The following CPNE4 variants were observed in gnomAD, a reference collection of about 807,000 sequenced individuals.
The protein encoded by CPNE4 is copine-4.
A neutral mutation model predicts 67.9 loss-of-function variants in CPNE4; 25 were observed. The observed-to-expected ratio is 0.37, with a 90% CI of 0.27 to 0.51. The LOEUF (loss-of-function observed/expected upper bound fraction) is 0.51, where lower values mean the gene tolerates loss of function less well. Ranked by LOEUF, CPNE4 falls within the 20% of genes least tolerant of loss-of-function variation. The probability of loss-of-function intolerance (pLI) is 0.93; values close to 1 mark genes in which losing one functional copy is unlikely to be tolerated. For synonymous variants in CPNE4, 242 were observed against 244.9 expected (o/e 0.99, Z 0.11); for missense variants, 464 against 690.8 (o/e 0.67, Z 3.68).
intron 2 of CPNE4, among the ~76,000 whole-genome samples, chr3:131,893,052 C>CA (rs1409992852): frequency 6.6e-6 from 1 of 151,808 alleles, no homozygotes; most frequent in East Asian, 1.9e-4. Context: ...GGTTAAAAGA[C>CA]AAAAAACAAG....
intron 7 of CPNE4, among the ~76,000 whole-genome samples, chr3:131,640,904 C>T (rs1056098711): frequency 1.3e-5 from 2 of 152,084 alleles, no homozygotes; most frequent in Non-Finnish European, 2.9e-5. Flanking sequence ...CAAACAAAAA[C>T]ATAAAGCAGG....
At chr3:131,901,561 C>T (rs6799141) in intron 2 of CPNE4, among the ~76,000 whole-genome samples, 10,965 of 151,968 alleles carry the variant, frequency 0.072, 406 homozygotes, top group East Asian at 0.1. Flanking sequence ...AAAATATTTC[C>T]GGCCAGGCAT....
chr3:131,879,715 G>C (rs145855963), intron 2 of CPNE4, among the ~76,000 whole-genome samples: 4,421 of 152,226 alleles, frequency 0.029, 211 homozygotes, highest in African/African-American at 0.1. Flanking sequence ...CAGAGCTCTA[G>C]CCAAGAAGAT....
chr3:132,013,047 A>T (rs2073807461), intron 1 of CPNE4, among the ~76,000 whole-genome samples: 1 of 152,076 alleles, frequency 6.6e-6, no homozygotes, highest in Non-Finnish European at 1.5e-5. Context: ...ACATGGTGAA[A>T]CCCCATCTCT....
At chr3:132,015,566 T>G (rs934333527) in intron 1 of CPNE4, among the ~76,000 whole-genome samples, 3 of 152,062 alleles carry the variant, frequency 2.0e-5, no homozygotes, top group Non-Finnish European at 4.4e-5. Context: ...GATGTCAGAA[T>G]GTAAACTTTT....
chr3:132,029,782 T>C (rs2074198462), intron 1 of CPNE4, among the ~76,000 whole-genome samples: 1 of 152,238 alleles, frequency 6.6e-6, no homozygotes, highest in African/African-American at 2.4e-5. Flanking sequence ...GAGCCAAAGA[T>C]GTAAAAGCAA....
chr3:131,699,836 G>T, intron 4 of CPNE4, 73 bp downstream of exon 4: 2 of 1,185,430 alleles, frequency 1.7e-6, no homozygotes, highest in Non-Finnish European at 2.4e-6. Flanking sequence ...CTTCCCAAGT[G>T]TCTGGTTTGG....
intron 7 of CPNE4, among the ~76,000 whole-genome samples, chr3:131,590,491 G>A (rs540949069): frequency 1.4e-3 from 210 of 152,268 alleles, no homozygotes; most frequent in Non-Finnish European, 2.2e-3. Flanking sequence ...TGAGATTACT[G>A]CAGCATAACT....
At chr3:131,886,229 A>G (rs1453289424) in intron 2 of CPNE4, among the ~76,000 whole-genome samples, 1 of 152,212 alleles carries the variant, frequency 6.6e-6, no homozygotes, top group Non-Finnish European at 1.5e-5. Context: ...AAAGGGGCCA[A>G]TGTGGAGCTT....
chr3:131,625,845 TGTTTTGA>T (rs1383932818), intron 7 of CPNE4, among the ~76,000 whole-genome samples: 1 of 152,246 alleles, frequency 6.6e-6, no homozygotes, highest in Non-Finnish European at 1.5e-5. Context: ...GCAGCAACCC[TGTTTTGA>T]GTAAGTCTAT....
chr3:131,912,280 A>T (rs1178640092), intron 1 of CPNE4, among the ~76,000 whole-genome samples: 1 of 152,176 alleles, frequency 6.6e-6, no homozygotes, highest in Non-Finnish European at 1.5e-5. Flanking sequence ...TTAGTTTCTG[A>T]ATGAGTTGCA....
intron 2 of CPNE4, among the ~76,000 whole-genome samples, chr3:131,794,905 G>A (rs1159353598): frequency 6.6e-6 from 1 of 152,180 alleles, no homozygotes; most frequent in Non-Finnish European, 1.5e-5. Flanking sequence ...GCCTTCCTTA[G>A]GGCAAAGTCA....
At chr3:131,980,136 T>C (rs1244051390) in intron 1 of CPNE4, among the ~76,000 whole-genome samples, 1 of 152,170 alleles carries the variant, frequency 6.6e-6, no homozygotes, top group Non-Finnish European at 1.5e-5. Flanking sequence ...AATTCTTTCC[T>C]TCATCTTAAC....
At chr3:131,733,389 G>A (rs1233904599) in intron 2 of CPNE4, among the ~76,000 whole-genome samples, 2 of 152,160 alleles carry the variant, frequency 1.3e-5, no homozygotes, top group Admixed American at 6.5e-5. Context: ...GTTATATTTT[G>A]CTCTTTAAGT....
intron 1 of CPNE4, among the ~76,000 whole-genome samples, chr3:131,963,409 A>C (rs1271719327): frequency 6.6e-6 from 1 of 151,938 alleles, no homozygotes; most frequent in African/African-American, 2.4e-5. Context: ...CTCCCTTGGA[A>C]AGGGAGCTGA....
intron 2 of CPNE4, among the ~76,000 whole-genome samples, chr3:131,783,398 G>T (rs1349494780): frequency 6.6e-6 from 1 of 152,188 alleles, no homozygotes; most frequent in African/African-American, 2.4e-5. Context: ...CTCTATTGAA[G>T]GTTAAAGCAG....
intron 7 of CPNE4, among the ~76,000 whole-genome samples, chr3:131,618,692 T>A (rs1290895006): frequency 1.3e-5 from 2 of 152,168 alleles, no homozygotes; most frequent in African/African-American, 4.8e-5. Flanking sequence ...AAGCCTGAAG[T>A]ATTTGTTAGA....
At chr3:131,849,631 C>G (rs1307279803) in intron 2 of CPNE4, among the ~76,000 whole-genome samples, 1 of 152,106 alleles carries the variant, frequency 6.6e-6, no homozygotes, top group East Asian at 1.9e-4. Context: ...CAAACGATAT[C>G]AGAAGGTATG....
intron 2 of CPNE4, among the ~76,000 whole-genome samples, chr3:131,728,867 G>T (rs2082063093): frequency 7.3e-6 from 1 of 137,482 alleles, no homozygotes. Flanking sequence ...CAGAGATCAG[G>T]CCACTGCACT....
Sources: allele counts gnomAD v4.1 joint callset (sites outside exome capture counted in the v4.1 genomes callset), GRCh38; gene constraint gnomAD v4.1.1; transcripts MANE v1.5; gene names NCBI Gene and HGNC (gene_info 2026-07-23, HGNC 2026-07-21).